The following KCNC2 variants were observed in gnomAD, a reference collection of about 807,000 sequenced individuals.
KCNC2 encodes the protein voltage-gated potassium channel KCNC2.
Under a neutral mutation model 44.5 loss-of-function variants are expected in KCNC2, and 21 were observed. The observed-to-expected ratio is 0.47, with a 90% CI of 0.33 to 0.68. The LOEUF (loss-of-function observed/expected upper bound fraction) is 0.68. KCNC2 is among the 30% of genes least tolerant of loss of function. The pLI is 0.01. For missense variants in KCNC2, 589 were observed against 826.2 expected, an observed-to-expected ratio of 0.71 and a Z score of 3.52; for synonymous variants, 391 against 339.1, an observed-to-expected ratio of 1.15 and a Z score of -1.68.
At position 75,041,165 on chromosome 12, in the gene KCNC2, C is replaced by G; in HGVS notation, c.*1940G>C. 1.3e-6 allele frequency: 2 copies of G among 1,596,576 alleles called. No homozygotes were observed. Among genetic ancestry groups the G allele is most frequent in the Non-Finnish European group, 1.7e-6 (2 of 1,178,606 alleles). On this transcript the variant is annotated 3_prime_UTR_variant, in exon 5 of 5. Coordinates refer to ENST00000549446, the MANE Select transcript of KCNC2 (RefSeq NM_139137.4). ...TTGGTATGGCTAAATTCCACTGTCC[C>G]TTTCTCAGCAGTCAATAATCCATGA...
chr12:75,143,200 C>T (rs1484152604), intron 2 of KCNC2, among the ~76,000 whole-genome samples: 2 of 152,194 alleles, frequency 1.3e-5, no homozygotes, highest in African/African-American at 4.8e-5. Context: ...CTACAAGTCT[C>T]ACTTCCCTCA....
Position 75,041,425 on chromosome 12 carries a change from A to G in KCNC2, c.*1680T>C. Reference sequence around the variant, plus strand: ...TAGAGTAATACATGTTTCGTGGCCAATAATAAAAGTGACAATTGTCTTCCT... The same window carrying G: ...TAGAGTAATACATGTTTCGTGGCCAGTAATAAAAGTGACAATTGTCTTCCT... On this transcript the variant is annotated 3_prime_UTR_variant, in exon 5 of 5. Transcript: ENST00000549446. 3 of 1,292,286 alleles carry G rather than the reference A, an allele frequency of 2.3e-6. No homozygotes were observed. The highest frequency in any genetic ancestry group is 3.1e-4 in the Middle Eastern group (1 of 3,248). The allele number at this position is 1,292,286 out of a possible 1,614,324, so 80.1% of individuals were successfully genotyped here. A position where few individuals can be genotyped will look rare whatever the true frequency, so the allele number is the denominator to read the frequency against.
At chr12:75,143,509 G>A (rs924988584) in intron 2 of KCNC2, among the ~76,000 whole-genome samples, 2 of 152,148 alleles carry the variant, frequency 1.3e-5, no homozygotes, top group Non-Finnish European at 2.9e-5. Flanking sequence ...ACTGGATGTG[G>A]TTCCAGGCCC....
At chr12:75,062,982 C>T (rs1882490301) in intron 2 of KCNC2, among the ~76,000 whole-genome samples, 1 of 151,994 alleles carries the variant, frequency 6.6e-6, no homozygotes, top group African/African-American at 2.4e-5. Context: ...GTGCTGAAAG[C>T]TCTTTGTTAA....
intron 2 of KCNC2, among the ~76,000 whole-genome samples, chr12:75,108,819 G>A (rs80228348): frequency 6.6e-6 from 1 of 152,056 alleles, no homozygotes; most frequent in Non-Finnish European, 1.5e-5. Flanking sequence ...GGGCAGTTCA[G>A]CTGAGATTCA....
At chr12:75,061,360 G>A (rs1882303591) in intron 2 of KCNC2, among the ~76,000 whole-genome samples, 1 of 152,046 alleles carries the variant, frequency 6.6e-6, no homozygotes, top group African/African-American at 2.4e-5. Flanking sequence ...AGGGTACTGT[G>A]AGAGATGTAA....
rs150261494 is a variant in KCNC2, at chr12:75,102,643, CTAAT to C, written c.688-51330_688-51327del. On this transcript the variant is annotated intron_variant, in intron 2 of 4. Transcript: ENST00000549446. ...TATCTATGTAAACACACACATATTT[CTAAT>C]TAATATATGCATACGTAATTCCTAA... is the stretch of plus-strand genomic sequence containing the variant. Among the ~76,000 whole-genome samples, 689 of 152,174 alleles carry C rather than the reference CTAAT, an allele frequency of 4.5e-3. 2 individuals carry two copies. Among genetic ancestry groups the C allele is most frequent in the African/African-American group, 0.016 (662 of 41,558 alleles).
chr12:75,183,400 T>C (rs1242394724), intron 2 of KCNC2, among the ~76,000 whole-genome samples: 1 of 152,160 alleles, frequency 6.6e-6, no homozygotes. Context: ...ACCACCATAA[T>C]AAAAACATTA....
At chr12:75,137,893 T>C (rs1000688636) in intron 2 of KCNC2, among the ~76,000 whole-genome samples, 3 of 152,198 alleles carry the variant, frequency 2.0e-5, no homozygotes, top group Non-Finnish European at 4.4e-5. Context: ...CAGTTCACAT[T>C]ATTTTAATAG....
intron 2 of KCNC2, among the ~76,000 whole-genome samples, chr12:75,106,320 G>T (rs889990144): frequency 6.6e-6 from 1 of 152,136 alleles, no homozygotes; most frequent in Non-Finnish European, 1.5e-5. Context: ...AATATGGACA[G>T]CTCTTTTGAA....
At chr12:75,134,506 A>G (rs1438329204) in intron 2 of KCNC2, among the ~76,000 whole-genome samples, 2 of 151,888 alleles carry the variant, frequency 1.3e-5, no homozygotes, top group African/African-American at 4.8e-5. Context: ...TCTTTGTGAT[A>G]AATTAAATTG....
chr12:75,170,927 A>T (rs1177770213), intron 2 of KCNC2, among the ~76,000 whole-genome samples: 1 of 151,668 alleles, frequency 6.6e-6, no homozygotes, highest in East Asian at 1.9e-4. Flanking sequence ...AAGCTTATTC[A>T]GATTGTTGTC....
At chr12:75,078,315 A>G (rs1884179944) in intron 2 of KCNC2, among the ~76,000 whole-genome samples, 1 of 152,178 alleles carries the variant, frequency 6.6e-6, no homozygotes, top group Non-Finnish European at 1.5e-5. Flanking sequence ...GGGTTTCAGG[A>G]TACATCTTTA....
intron 2 of KCNC2, among the ~76,000 whole-genome samples, chr12:75,069,195 C>T (rs1017309969): frequency 3.5e-5 from 4 of 113,906 alleles, no homozygotes; most frequent in Non-Finnish European, 4.9e-5. Context: ...AGTGCAAAGA[C>T]GTGATCTCGG....
At chr12:75,128,435 G>A (rs1246818239) in intron 2 of KCNC2, among the ~76,000 whole-genome samples, 2 of 152,084 alleles carry the variant, frequency 1.3e-5, no homozygotes, top group Non-Finnish European at 2.9e-5. Context: ...AACAATACTT[G>A]GAGAATTAAA....
Position 75,042,860 on chromosome 12 carries a change from T to C in KCNC2, c.*245A>G, listed in dbSNP as rs1592744618. 3 of 1,304,156 alleles carry C rather than the reference T, an allele frequency of 2.3e-6. 1 individual carries two copies. In the East Asian group the frequency reaches 9.2e-5, roughly 40 times the overall value. 80.8% of individuals were successfully genotyped at this position (1,304,156 alleles called of 1,614,324 possible). A position where few individuals can be genotyped will look rare whatever the true frequency, so the allele number is the denominator to read the frequency against. On this transcript the variant is annotated 3_prime_UTR_variant, in exon 5 of 5. Coordinates refer to ENST00000549446, the MANE Select transcript of KCNC2 (RefSeq NM_139137.4). ...ATATCTGACACTATCTGTCATTTTA[T>C]TGCAAAAGGATATCAGGGCAATTAA...
intron 2 of KCNC2, among the ~76,000 whole-genome samples, chr12:75,059,308 T>C (rs1397200663): frequency 6.6e-6 from 1 of 152,118 alleles, no homozygotes; most frequent in Non-Finnish European, 1.5e-5. Flanking sequence ...CATGAGGCCT[T>C]TTCTGGGGTC....
rs75710147 is a variant in KCNC2 at position 75,194,399 on chromosome 12, G to T, written c.687+12898C>A. Among the ~76,000 whole-genome samples the T allele has an allele frequency of 4.5e-3, 683 of 152,252 alleles. 3 individuals carry two copies. The highest frequency in any genetic ancestry group is 0.014 in the Middle Eastern group (4 of 294). ...ATTGCAACCACCAGAAGCTAGCACT[G>T]AGTCATGAAACAGATTATCTTTTAG... On this transcript the variant is annotated intron_variant, in intron 2 of 4. Coordinates refer to ENST00000549446, the MANE Select transcript of KCNC2 (RefSeq NM_139137.4).
chr12:75,081,410 T>G (rs1244494503), intron 2 of KCNC2, among the ~76,000 whole-genome samples: 2 of 13,294 alleles, frequency 1.5e-4, no homozygotes, highest in Admixed American at 1.6e-3. Context: ...AAACATTCAT[T>G]TTTTTTTTTT....
Sources: allele counts gnomAD v4.1 joint callset (sites outside exome capture counted in the v4.1 genomes callset), GRCh38; gene constraint gnomAD v4.1.1; transcripts MANE v1.5; gene names NCBI Gene and HGNC (gene_info 2026-07-23, HGNC 2026-07-21).